Variants in TOP1 observed in about 807,000 individuals in gnomAD.
TOP1 encodes DNA topoisomerase I.
In TOP1, 10 loss-of-function variants were observed where a neutral mutation model predicts 111.1. That is an observed-to-expected ratio of 0.09 (90% confidence interval 0.06 to 0.15). The LOEUF (loss-of-function observed/expected upper bound fraction) is 0.15. Among genes scored for constraint, TOP1 ranks in the 10% least tolerant of loss-of-function variants. The pLI, the probability that TOP1 is intolerant of heterozygous loss-of-function variation, is 1.00. For synonymous variants in TOP1, 271 were observed against 302.9 expected (o/e 0.89, Z 1.10); for missense variants, 474 against 926.7 (o/e 0.51, Z 6.34).
chr20:41,089,862 A>G (rs1370282902), intron 8 of TOP1, among the ~76,000 whole-genome samples: 1 of 152,112 alleles, frequency 6.6e-6, no homozygotes, highest in Non-Finnish European at 1.5e-5. Flanking sequence ...TGTGGTTTTG[A>G]TTGGTATTTT....
chr20:41,029,620 T>G lies in TOP1; in HGVS notation c.58+165T>G. On this transcript the variant is annotated intron_variant, in intron 2 of 20. Coordinates refer to ENST00000361337, the MANE Select transcript of TOP1 (RefSeq NM_003286.4). The surrounding 1 kb of genome is among the most constrained non-coding windows in gnomAD (Gnocchi z 6.1). Reference sequence around the variant, plus strand: ...CCATCGGGCCGCCTCTTGACCCCCTTTCCGGGGACCCCAGCTCCTCCAGAT... The same window carrying G: ...CCATCGGGCCGCCTCTTGACCCCCTGTCCGGGGACCCCAGCTCCTCCAGAT... 11 of 670,230 alleles carry G rather than the reference T, an allele frequency of 1.6e-5. No homozygotes were observed. Among genetic ancestry groups the G allele is most frequent in the Admixed American group, 2.2e-5 (1 of 45,950 alleles). 41.5% of individuals were successfully genotyped at this position (670,230 alleles called of 1,614,324 possible). A position where few individuals can be genotyped will look rare whatever the true frequency, so the allele number is the denominator to read the frequency against.
Position 41,067,775 on chromosome 20 carries a change from G to A in TOP1, c.155+6285G>A, listed in dbSNP as rs370385345. On this transcript the variant is annotated intron_variant, in intron 3 of 20. Transcript: ENST00000361337. The surrounding 1 kb of genome is among the most constrained non-coding windows in gnomAD (Gnocchi z 4.0). ...GAGGCATTTACTGTCCTGTGCAGTA[G>A]CAATACTGCAGACTTGGAGTGGGAG... is the stretch of plus-strand genomic sequence containing the variant. Among the ~76,000 whole-genome samples the A allele has an allele frequency of 1.3e-5, 2 of 152,322 alleles. No homozygotes were observed. The highest frequency in any genetic ancestry group is 2.1e-4 in the South Asian group (1 of 4,826).
rs2034369645 is a variant in TOP1 at position 41,118,496 on chromosome 20, T to C, written c.1950+200T>C. Among the ~76,000 whole-genome samples the C allele has an allele frequency of 6.6e-6, 1 of 152,210 alleles. No homozygotes were observed. Among genetic ancestry groups the C allele is most frequent in the South Asian group, 2.1e-4 (1 of 4,830 alleles). On this transcript the variant is annotated intron_variant, in intron 18 of 20. Transcript: ENST00000361337. This position sits in a 1 kb window ranked among gnomAD's most constrained non-coding sequence, Gnocchi z 4.6. ...ATCAGAGTATCCATTATTCAAGAAATCTTTATTCTACGCATAGAAGTTCTA... is the reference window on the plus strand; with the variant it reads ...ATCAGAGTATCCATTATTCAAGAAACCTTTATTCTACGCATAGAAGTTCTA...
In TOP1 at chr20:41,094,923, T is replaced by C. The variant is rs1196851480; in HGVS notation, c.731-2297T>C. On this transcript the variant is annotated intron_variant, in intron 9 of 20. Transcript: ENST00000361337. The surrounding 1 kb of genome is among the most constrained non-coding windows in gnomAD (Gnocchi z 4.4). ...AACCTTCCAGTCATCCTCCCACTACTCTGATGCAGGGAGCCATCATTTCAT... is the reference window on the plus strand; with the variant it reads ...AACCTTCCAGTCATCCTCCCACTACCCTGATGCAGGGAGCCATCATTTCAT... Among the ~76,000 whole-genome samples the C allele has an allele frequency of 6.6e-6, 1 of 152,164 alleles. No individual in the cohort carries two copies. The highest frequency in any genetic ancestry group is 1.5e-5 in the Non-Finnish European group (1 of 68,028).
rs759911107 is a variant in TOP1 at position 41,058,281 on chromosome 20, T to G, written c.59-3113T>G. 2.0e-5 allele frequency among the ~76,000 whole-genome samples: 3 copies of G among 152,256 alleles called. No individual in the cohort carries two copies. The highest frequency in any genetic ancestry group is 4.4e-5 in the Non-Finnish European group (3 of 68,052). The stretch of plus-strand genomic sequence containing the variant: ...TATTAATTGATTGCTATAAAACATG[T>G]TGCCTCAAAATATAATAGCTTAAAA... On this transcript the variant is annotated intron_variant, in intron 2 of 20. Coordinates refer to ENST00000361337, the MANE Select transcript of TOP1 (RefSeq NM_003286.4). The surrounding 1 kb of genome is among the most constrained non-coding windows in gnomAD (Gnocchi z 4.2).
In TOP1 at chr20:41,046,452, G is replaced by C. The variant is rs546346992; in HGVS notation, c.59-14942G>C. On this transcript the variant is annotated intron_variant, in intron 2 of 20. Coordinates refer to ENST00000361337, the MANE Select transcript of TOP1 (RefSeq NM_003286.4). This position sits in a 1 kb window ranked among gnomAD's most constrained non-coding sequence, Gnocchi z 4.3. Reference sequence around the variant, plus strand: ...AGTTGCCTCCTGAGAATTCTGGGCTGTGGTGGAATTACCCATCAGACTGGG... The same window carrying C: ...AGTTGCCTCCTGAGAATTCTGGGCTCTGGTGGAATTACCCATCAGACTGGG... Among the ~76,000 whole-genome samples, 1 of 152,330 alleles carries C rather than the reference G, an allele frequency of 6.6e-6. No individual in the cohort carries two copies. The highest frequency in any genetic ancestry group is 1.9e-4 in the East Asian group (1 of 5,182).
Position 41,109,256 on chromosome 20 carries a change from C to T in TOP1, c.1309-3526C>T, listed in dbSNP as rs2145960497. On this transcript the variant is annotated intron_variant, in intron 13 of 20. Transcript: ENST00000361337. This position sits in a 1 kb window ranked among gnomAD's most constrained non-coding sequence, Gnocchi z 4.1. ...TCTATTAGAGAAAATAAGACACAAG[C>T]TCATTAAAAATATATATATATTCTG... is the stretch of plus-strand genomic sequence containing the variant. Among the ~76,000 whole-genome samples, 1 of 152,226 alleles carries T rather than the reference C, an allele frequency of 6.6e-6. No individual in the cohort carries two copies. Among genetic ancestry groups the T allele is most frequent in the Non-Finnish European group, 1.5e-5 (1 of 68,004 alleles).
At chr20:41,047,602 A>G (rs948274445) in intron 2 of TOP1, among the ~76,000 whole-genome samples, 24 of 152,262 alleles carry the variant, frequency 1.6e-4, no homozygotes, top group Admixed American at 6.5e-4. Context: ...TCCAGTGTCC[A>G]TAAATAAAGT....
intron 3 of TOP1, chr20:41,072,399 T>G (rs1356735063): frequency 2.0e-6 from 2 of 985,264 alleles, no homozygotes; most frequent in Non-Finnish European, 2.4e-6. Context: ...ACCATGAAAG[T>G]CAAACATATC....
At chr20:41,103,371 C>T (rs2034094674) in intron 13 of TOP1, among the ~76,000 whole-genome samples, 1 of 152,186 alleles carries the variant, frequency 6.6e-6, no homozygotes, top group Admixed American at 6.5e-5. Flanking sequence ...TGCATGCTTT[C>T]CTGTGACATC....
At position 41,040,239 on chromosome 20, in the gene TOP1, A is replaced by G. The variant is rs1423678299; in HGVS notation, c.58+10784A>G. On this transcript the variant is annotated intron_variant, in intron 2 of 20. Transcript: ENST00000361337. Reference sequence around the variant, plus strand: ...AGCTGTTAAAGCTCTTCAGAGAAAGATGCAGAGTACATAGTGGTATTACTT... The same window carrying G: ...AGCTGTTAAAGCTCTTCAGAGAAAGGTGCAGAGTACATAGTGGTATTACTT... 3.9e-5 allele frequency among the ~76,000 whole-genome samples: 6 copies of G among 152,370 alleles called. No individual in the cohort carries two copies. The East Asian group carries it at 1.2e-3, about 29-fold the overall frequency.
Position 41,116,419 on chromosome 20 carries a change from C to A in TOP1, c.1822+27C>A. 1 of 1,555,794 alleles carries A rather than the reference C, an allele frequency of 6.4e-7. No individual in the cohort carries two copies. The highest frequency in any genetic ancestry group is 8.9e-7 in the Non-Finnish European group (1 of 1,127,068). ...TAAGTATTGCTTGGCCAGATAGGGC[C>A]CACACCCCTACTAATGGTATCCGGT... On this transcript the variant is annotated intron_variant, in intron 17 of 20. Transcript: ENST00000361337. This position sits in a 1 kb window ranked among gnomAD's most constrained non-coding sequence, Gnocchi z 5.6.
At position 41,123,103 on chromosome 20, in the gene TOP1, G is replaced by C; in HGVS notation, c.2196-92G>C. 5.0e-6 allele frequency: 4 copies of C among 807,088 alleles called. No homozygotes were observed. The highest frequency in any genetic ancestry group is 8.4e-6 in the Non-Finnish European group (4 of 474,536). 50.0% of individuals were successfully genotyped at this position (807,088 alleles called of 1,614,324 possible). ...ATTTGCATCCTCACTAGACAGATGTGAAAGAGAAGATGGAACATCTGACCC... is the reference window on the plus strand; with the variant it reads ...ATTTGCATCCTCACTAGACAGATGTCAAAGAGAAGATGGAACATCTGACCC... On this transcript the variant is annotated intron_variant, in intron 20 of 20. Transcript: ENST00000361337. This position sits in a 1 kb window ranked among gnomAD's most constrained non-coding sequence, Gnocchi z 5.8.
chr20:41,117,864 G>A (rs1299617250), intron 17 of TOP1, among the ~76,000 whole-genome samples: 1 of 151,992 alleles, frequency 6.6e-6, no homozygotes, highest in South Asian at 2.1e-4. Context: ...GGAGATGAAG[G>A]GTCCCTAGCC....
At position 41,094,963 on chromosome 20, in the gene TOP1, T is replaced by C. The variant is rs2033964364; in HGVS notation, c.731-2257T>C. Among the ~76,000 whole-genome samples the C allele has an allele frequency of 2.6e-5, 4 of 152,188 alleles. No individual in the cohort carries two copies. The highest frequency in any genetic ancestry group is 9.6e-5 in the African/African-American group (4 of 41,456). On this transcript the variant is annotated intron_variant, in intron 9 of 20. Coordinates refer to ENST00000361337, the MANE Select transcript of TOP1 (RefSeq NM_003286.4). The surrounding 1 kb of genome is among the most constrained non-coding windows in gnomAD (Gnocchi z 4.4). ...CATCATTTCATCTTTTGACAGCTCATCTAAAATAGGAGGAGTCACAGTTGC... is the reference window on the plus strand; with the variant it reads ...CATCATTTCATCTTTTGACAGCTCACCTAAAATAGGAGGAGTCACAGTTGC...
chr20:41,033,859 A>G (rs1010883060), intron 2 of TOP1, among the ~76,000 whole-genome samples: 2 of 152,194 alleles, frequency 1.3e-5, no homozygotes, highest in African/African-American at 4.8e-5. Flanking sequence ...CATCTTTCCC[A>G]TGTGAAACTG....
chr20:41,113,927 G>A, intron 14 of TOP1, 43 bp from the exon 15 acceptor site: 1 of 1,133,984 alleles, frequency 8.8e-7, no homozygotes, highest in Non-Finnish European at 1.3e-6. Flanking sequence ...TAAGGATCAT[G>A]TCTCTTCCAT....
Position 41,112,954 on chromosome 20 carries a change from T to G in TOP1, c.1452+29T>G, listed in dbSNP as rs2034266069. 2.5e-6 allele frequency: 4 copies of G among 1,608,752 alleles called. No individual in the cohort carries two copies. The highest frequency in any genetic ancestry group is 3.4e-5 in the Admixed American group (2 of 59,538). ...AGAGCATCTTCCCATCGGCATTGTC[T>G]AGTGTTGAGCTTAACAAAGGGAGTT... On this transcript the variant is annotated intron_variant, in intron 14 of 20. Transcript: ENST00000361337. The surrounding 1 kb of genome is among the most constrained non-coding windows in gnomAD (Gnocchi z 5.8).
chr20:41,112,293 G>C lies in TOP1; in HGVS notation c.1309-489G>C, dbSNP rs1490324582. Among the ~76,000 whole-genome samples the C allele has an allele frequency of 1.3e-5, 2 of 152,206 alleles. No individual in the cohort carries two copies. The highest frequency in any genetic ancestry group is 2.9e-5 in the Non-Finnish European group (2 of 68,042). ...CTGCTATTGGGTCACAGAGTTGGCA[G>C]CAAGGCTGTGAAATTGATGTGGGAA... is the stretch of plus-strand genomic sequence containing the variant. On this transcript the variant is annotated intron_variant, in intron 13 of 20. Coordinates refer to ENST00000361337, the MANE Select transcript of TOP1 (RefSeq NM_003286.4). This position sits in a 1 kb window ranked among gnomAD's most constrained non-coding sequence, Gnocchi z 5.8.
Sources: gnomAD v4.1 joint callset for allele counts (sites outside exome capture counted in the v4.1 genomes callset) on GRCh38, gnomAD v4.1.1 for gene constraint, Gnocchi (gnomAD v3.1) non-coding constraint, MANE v1.5 for transcripts, NCBI Gene and HGNC (gene_info 2026-07-23, HGNC 2026-07-21) for gene names.